KIAA0825: variants seen among roughly 807,000 people sequenced by gnomAD.
The protein encoded by KIAA0825 is KIAA0825.
Under a neutral mutation model 147.6 loss-of-function variants are expected in KIAA0825, and 119 were observed. The ratio of observed to expected loss-of-function variants is 0.81; its 90% confidence interval spans 0.69 to 0.94. The LOEUF is 0.94. KIAA0825 is among the 40% of genes least tolerant of loss of function. The probability of loss-of-function intolerance (pLI) is 0.00; values close to 1 mark genes in which losing one functional copy is unlikely to be tolerated. For synonymous variants in KIAA0825, 470 were observed against 518.1 expected, an observed-to-expected ratio of 0.91 and a Z score of 1.26; for missense variants, 1,381 against 1,472.7, an observed-to-expected ratio of 0.94 and a Z score of 1.02.
intron 20 of KIAA0825, among the ~76,000 whole-genome samples, chr5:94,345,866 C>A (rs975567351): frequency 9.9e-5 from 15 of 152,054 alleles, no homozygotes; most frequent in African/African-American, 3.4e-4. Context: ...AGGGCTTACA[C>A]CTCTAAGGGG....
intron 19 of KIAA0825, among the ~76,000 whole-genome samples, chr5:94,386,019 A>G (rs962467135): frequency 3.3e-5 from 5 of 152,214 alleles, no homozygotes; most frequent in African/African-American, 1.2e-4. Context: ...CTGACCAGCC[A>G]AAAGTTAAGT....
At chr5:94,423,970 A>G (rs938169765) in intron 14 of KIAA0825, among the ~76,000 whole-genome samples, 13 of 152,182 alleles carry the variant, frequency 8.5e-5, no homozygotes, top group Non-Finnish European at 8.8e-5. Context: ...ACTTTGTTGT[A>G]TAAAAGGCTA....
intron 15 of KIAA0825, among the ~76,000 whole-genome samples, chr5:94,407,685 G>A (rs940004100): frequency 4.6e-5 from 7 of 152,172 alleles, no homozygotes; most frequent in African/African-American, 1.7e-4. Flanking sequence ...CAGGAACTGG[G>A]GAGGAACTGT....
chr5:94,156,910 C>G (rs1272530292), intron 20 of KIAA0825, among the ~76,000 whole-genome samples: 1 of 151,900 alleles, frequency 6.6e-6, no homozygotes, highest in African/African-American at 2.4e-5. Flanking sequence ...TCTATAAGTT[C>G]TTAACGAAGT....
intron 20 of KIAA0825, among the ~76,000 whole-genome samples, chr5:94,373,609 A>G (rs1747071447): frequency 1.3e-5 from 2 of 152,278 alleles, no homozygotes; most frequent in South Asian, 4.1e-4. Flanking sequence ...AGATCTCATA[A>G]GAACTTACTC....
intron 1 of KIAA0825, among the ~76,000 whole-genome samples, chr5:94,590,260 G>A (rs1325030378): frequency 6.6e-6 from 1 of 152,160 alleles, no homozygotes; most frequent in Non-Finnish European, 1.5e-5. Flanking sequence ...CTTCCAAAGT[G>A]CTGGGATTAC....
chr5:94,558,625 A>G (rs985794018), intron 2 of KIAA0825, among the ~76,000 whole-genome samples: 11 of 152,214 alleles, frequency 7.2e-5, no homozygotes, highest in African/African-American at 2.7e-4. Flanking sequence ...TTAAACACCA[A>G]TATTCACCAC....
chr5:94,515,542 AGCAC>A, intron 5 of KIAA0825, among the ~76,000 whole-genome samples: 1 of 152,270 alleles, frequency 6.6e-6, no homozygotes, highest in South Asian at 2.1e-4. Flanking sequence ...TTGTAATCCC[AGCAC>A]TTTGGGAGGC....
At chr5:94,578,690 A>G (rs1185210286) in intron 2 of KIAA0825, among the ~76,000 whole-genome samples, 1 of 152,216 alleles carries the variant, frequency 6.6e-6, no homozygotes, top group Non-Finnish European at 1.5e-5. Context: ...ATGTATTTTA[A>G]AAGATACTTA....
Position 94,465,003 on chromosome 5 carries a change from A to T in KIAA0825, c.1929T>A (p.His643Gln), listed in dbSNP as rs1158727582. The T allele has an allele frequency of 1.2e-5, 18 of 1,551,598 alleles. No homozygotes were observed. The highest frequency in any genetic ancestry group is 1.4e-5 in the Non-Finnish European group (16 of 1,146,992). Reference protein sequence around the residue: ...QMWHYFCWSLHYDLWTILPPK... With the variant: ...QMWHYFCWSLQYDLWTILPPK... ...GAGGCAGAATGGTCCAGAGATCGTA[A>T]TGAAGAGACCAGCAGAAATAATGCC... The change falls in exon 11 of 21, where the codon CAT becomes CAA. Residue 643 changes from histidine to glutamine, a missense_variant. Coordinates refer to ENST00000682413, the MANE Select transcript of KIAA0825 (RefSeq NM_001145678.3).
chr5:94,279,716 T>G (rs1562347182), intron 20 of KIAA0825, among the ~76,000 whole-genome samples: 1 of 152,034 alleles, frequency 6.6e-6, no homozygotes, highest in African/African-American at 2.4e-5. Flanking sequence ...GACATTATGC[T>G]AGGCATCAGG....
chr5:94,259,652 C>CT (rs1338277983), intron 20 of KIAA0825, among the ~76,000 whole-genome samples: 1 of 151,880 alleles, frequency 6.6e-6, no homozygotes, highest in African/African-American at 2.4e-5. Flanking sequence ...TTTCAACATA[C>CT]TTTTTTGGAG....
chr5:94,400,216 C>T (rs29927), intron 16 of KIAA0825, among the ~76,000 whole-genome samples: 35,037 of 151,916 alleles, frequency 0.23, 4,540 homozygotes, highest in Middle Eastern at 0.32. Flanking sequence ...TTCTTGCAAA[C>T]GAATGGAAAA....
At chr5:94,155,213 CTTTTTTTTTTTTTT>C (rs67704311) in intron 20 of KIAA0825, among the ~76,000 whole-genome samples, 1 of 119,066 alleles carries the variant, frequency 8.4e-6, no homozygotes, top group East Asian at 2.5e-4. Flanking sequence ...TATTTTCTTT[CTTTTTTTTTTTTTT>C]TTTTTTTTGA....
chr5:94,257,353 T>C (rs550517486), intron 20 of KIAA0825, among the ~76,000 whole-genome samples: 1 of 152,194 alleles, frequency 6.6e-6, no homozygotes, highest in South Asian at 2.1e-4. Flanking sequence ...ATGCTTAACC[T>C]ATATTTTAAA....
chr5:94,369,563 T>A (rs1167227627), intron 20 of KIAA0825, among the ~76,000 whole-genome samples: 4 of 152,128 alleles, frequency 2.6e-5, no homozygotes, highest in African/African-American at 9.7e-5. Context: ...CTAAGAAGCC[T>A]TTAGCAATGT....
At chr5:94,500,086 T>C (rs1202498745) in intron 5 of KIAA0825, among the ~76,000 whole-genome samples, 1 of 152,138 alleles carries the variant, frequency 6.6e-6, no homozygotes, top group African/African-American at 2.4e-5. Context: ...AGTTCAGTGT[T>C]ACTGGAGAGT....
intron 15 of KIAA0825, among the ~76,000 whole-genome samples, chr5:94,406,563 C>T (rs895653436): frequency 1.3e-5 from 2 of 152,156 alleles, no homozygotes; most frequent in African/African-American, 4.8e-5. Flanking sequence ...TCTGCACCTC[C>T]ATTAAAGCTA....
chr5:94,548,434 G>T (rs1430521158), intron 2 of KIAA0825, among the ~76,000 whole-genome samples: 2 of 151,948 alleles, frequency 1.3e-5, no homozygotes, highest in Non-Finnish European at 2.9e-5. Flanking sequence ...ATAAATGCAA[G>T]AAATTAAATC....
Sources: allele counts gnomAD v4.1 joint callset (sites outside exome capture counted in the v4.1 genomes callset), GRCh38; gene constraint gnomAD v4.1.1; transcripts MANE v1.5; gene names NCBI Gene and HGNC (gene_info 2026-07-23, HGNC 2026-07-21).